Variants in BCAR3 observed in about 807,000 individuals in gnomAD.
BCAR3 encodes the protein breast cancer anti-estrogen resistance protein 3.
A neutral mutation model predicts 80.1 loss-of-function variants in BCAR3; 37 were observed. The observed-to-expected ratio is 0.46, with a 90% CI of 0.36 to 0.61. BCAR3 has a LOEUF of 0.61. Among genes scored for constraint, BCAR3 ranks in the 20% least tolerant of loss-of-function variants. The probability of loss-of-function intolerance (pLI) is 0.00; values close to 1 mark genes in which losing one functional copy is unlikely to be tolerated. For missense variants in BCAR3, 978 were observed against 1,068.2 expected, an observed-to-expected ratio of 0.92 and a Z score of 1.18; for synonymous variants, 389 against 418.9, an observed-to-expected ratio of 0.93 and a Z score of 0.87.
intron 2 of BCAR3, among the ~76,000 whole-genome samples, chr1:93,766,359 G>A (rs1652149299): frequency 1.3e-5 from 2 of 152,242 alleles, no homozygotes; most frequent in Admixed American, 1.3e-4. Flanking sequence ...TGTGTTTGGG[G>A]TAAAGTGTTG....
At chr1:93,602,709 A>G (rs1674661183) in intron 3 of BCAR3, among the ~76,000 whole-genome samples, 1 of 152,248 alleles carries the variant, frequency 6.6e-6, no homozygotes, top group Non-Finnish European at 1.5e-5. Context: ...TATTTTTACA[A>G]TTGAAAACCT....
In BCAR3 at chr1:93,704,027, C is replaced by A. The variant is rs190720618; in HGVS notation, c.-12+2065G>T. On this transcript the variant is annotated intron_variant, in intron 3 of 13. Coordinates refer to the BCAR3 transcript ENST00000370244. Reference sequence around the variant, plus strand: ...TAGCCACATTTCAGGTGCTGAATAGCCAATGTGGCTAGTGGTTAGTGGTAT... The same window carrying A: ...TAGCCACATTTCAGGTGCTGAATAGACAATGTGGCTAGTGGTTAGTGGTAT... Among the ~76,000 whole-genome samples, 10 of 152,334 alleles carry A rather than the reference C, an allele frequency of 6.6e-5. No individual in the cohort carries two copies. In the East Asian group the frequency reaches 1.9e-3, roughly 29 times the overall value.
At chr1:93,608,051 T>C (rs1463571834) in intron 3 of BCAR3, among the ~76,000 whole-genome samples, 1 of 152,206 alleles carries the variant, frequency 6.6e-6, no homozygotes, top group Non-Finnish European at 1.5e-5. Flanking sequence ...CTCATCTTAC[T>C]GAGAATCCAG....
chr1:93,828,192 T>C (rs1007835086), intron 2 of BCAR3, among the ~76,000 whole-genome samples: 2 of 152,098 alleles, frequency 1.3e-5, no homozygotes, highest in African/African-American at 4.8e-5. Flanking sequence ...ACCAATGACT[T>C]GCGAGGCTGA....
At chr1:93,843,703 G>A (rs1041175346) in intron 2 of BCAR3, among the ~76,000 whole-genome samples, 1 of 152,112 alleles carries the variant, frequency 6.6e-6, no homozygotes, top group Non-Finnish European at 1.5e-5. Context: ...ATTTTTACCG[G>A]TAGGAATGCC....
At chr1:93,629,688 T>C (rs908007681) in intron 3 of BCAR3, among the ~76,000 whole-genome samples, 1 of 152,218 alleles carries the variant, frequency 6.6e-6, no homozygotes, top group African/African-American at 2.4e-5. Context: ...CAAATGATTC[T>C]AAAGCTAGCA....
chr1:93,751,283 G>A (rs1651548868), intron 2 of BCAR3, among the ~76,000 whole-genome samples: 1 of 152,138 alleles, frequency 6.6e-6, no homozygotes, highest in Non-Finnish European at 1.5e-5. Context: ...CCCATGCAGT[G>A]GGTGACAGGA....
At chr1:93,614,458 G>A (rs1007287471) in intron 3 of BCAR3, among the ~76,000 whole-genome samples, 1 of 152,022 alleles carries the variant, frequency 6.6e-6, no homozygotes, top group African/African-American at 2.4e-5. Flanking sequence ...GCTCCTTTGA[G>A]GAAAGGAGGT....
At chr1:93,815,430 T>G (rs1653982560) in intron 2 of BCAR3, among the ~76,000 whole-genome samples, 1 of 152,228 alleles carries the variant, frequency 6.6e-6, no homozygotes. Flanking sequence ...CAGAGGCATT[T>G]GCAGTAGTGA....
intron 3 of BCAR3, among the ~76,000 whole-genome samples, chr1:93,641,154 A>C (rs547075253): frequency 6.6e-6 from 1 of 152,348 alleles, no homozygotes; most frequent in South Asian, 2.1e-4. Flanking sequence ...ATTCAGGTAT[A>C]AGAGATGGGA....
intron 2 of BCAR3, among the ~76,000 whole-genome samples, chr1:93,828,087 G>A (rs1410369919): frequency 2.0e-5 from 3 of 152,112 alleles, no homozygotes; most frequent in Non-Finnish European, 4.4e-5. Context: ...AGCTATGATT[G>A]CACCACTGCA....
chr1:93,571,610 A>G, intron 9 of BCAR3, 60 bp downstream of exon 9: 3 of 1,591,972 alleles, frequency 1.9e-6, no homozygotes, highest in Non-Finnish European at 2.6e-6. Flanking sequence ...GATTTGCCAA[A>G]CATGGCATGC....
At chr1:93,828,702 C>CT (rs969811086) in intron 2 of BCAR3, among the ~76,000 whole-genome samples, 6 of 149,862 alleles carry the variant, frequency 4.0e-5, no homozygotes, top group South Asian at 2.1e-4. Context: ...TCATGTAAAA[C>CT]TTTTTTTTTT....
chr1:93,727,891 T>A (rs1650647985), intron 2 of BCAR3, among the ~76,000 whole-genome samples: 1 of 152,178 alleles, frequency 6.6e-6, no homozygotes, highest in Non-Finnish European at 1.5e-5. Flanking sequence ...GATGAGAACA[T>A]CCTGGATTTG....
At chr1:93,602,941 G>C (rs546131041) in intron 3 of BCAR3, among the ~76,000 whole-genome samples, 24 of 152,218 alleles carry the variant, frequency 1.6e-4, no homozygotes, top group Non-Finnish European at 2.5e-4. Flanking sequence ...TTAGTAGATT[G>C]GTTCTGTTTC....
chr1:93,643,359 T>C (rs1676049908), intron 2 of BCAR3, among the ~76,000 whole-genome samples: 2 of 150,832 alleles, frequency 1.3e-5, no homozygotes, highest in Non-Finnish European at 3.0e-5. Context: ...ACCCCGTCTC[T>C]ACTATACTAA....
chr1:93,625,051 A>G (rs879803435), intron 3 of BCAR3, among the ~76,000 whole-genome samples: 5 of 152,182 alleles, frequency 3.3e-5, no homozygotes, highest in African/African-American at 4.8e-5. Context: ...TCTACTAAAA[A>G]TACAAAAAAA....
At chr1:93,759,659 C>T (rs1651867525) in intron 2 of BCAR3, among the ~76,000 whole-genome samples, 1 of 152,152 alleles carries the variant, frequency 6.6e-6, no homozygotes, top group Admixed American at 6.5e-5. Context: ...AAGCACCACA[C>T]TAAATGATTC....
chr1:93,574,060 G>A (rs1257441166), intron 8 of BCAR3, among the ~76,000 whole-genome samples: 1 of 152,186 alleles, frequency 6.6e-6, no homozygotes, highest in Admixed American at 6.5e-5. Context: ...TTTATTCAGT[G>A]TTTTCTCTCC....
Sources: allele counts gnomAD v4.1 joint callset (sites outside exome capture counted in the v4.1 genomes callset), GRCh38; gene constraint gnomAD v4.1.1; transcripts MANE v1.5; gene names NCBI Gene and HGNC (gene_info 2026-07-23, HGNC 2026-07-21).